PLEKHA5: variants seen among roughly 807,000 people sequenced by gnomAD.
PLEKHA5 encodes the protein pleckstrin homology domain containing A5.
PLEKHA5 carries 55 observed loss-of-function variants against 181.9 expected under a neutral mutation model. The ratio of observed to expected loss-of-function variants is 0.30; its 90% CI spans 0.24 to 0.38. The LOEUF (loss-of-function observed/expected upper bound fraction) is 0.38, where lower values mean the gene tolerates loss of function less well. Ranked by LOEUF, PLEKHA5 falls within the 10% of genes least tolerant of loss-of-function variation. The probability of loss-of-function intolerance (pLI) is 1.00; values close to 1 mark genes in which losing one functional copy is unlikely to be tolerated. For synonymous variants in PLEKHA5, 535 were observed against 529.4 expected, an observed-to-expected ratio of 1.01 and a Z score of -0.15; for missense variants, 1,432 against 1,549.5, an observed-to-expected ratio of 0.92 and a Z score of 1.27.
intron 15 of PLEKHA5, among the ~76,000 whole-genome samples, chr12:19,303,202 G>C (rs2082111956): frequency 6.6e-6 from 1 of 151,928 alleles, no homozygotes. Context: ...ACCGCATCCA[G>C]CCTCTAGATT....
intron 4 of PLEKHA5, 96 bp downstream of exon 4, chr12:19,254,119 G>A: frequency 1.3e-6 from 1 of 745,742 alleles, no homozygotes; most frequent in Non-Finnish European, 2.3e-6. Flanking sequence ...TTCTTATCTG[G>A]ACATTTGTAG....
intron 29 of PLEKHA5, among the ~76,000 whole-genome samples, chr12:19,363,466 C>T (rs929512831): frequency 7.3e-5 from 11 of 150,752 alleles, no homozygotes; most frequent in African/African-American, 2.4e-4. Context: ...CGTGCCTGGC[C>T]ATTTTTAGCT....
intron 15 of PLEKHA5, among the ~76,000 whole-genome samples, chr12:19,302,092 A>G (rs2152920320): frequency 6.6e-6 from 1 of 152,340 alleles, no homozygotes; most frequent in Admixed American, 6.5e-5. Context: ...TTCTTGAGAA[A>G]ATGGAGTATT....
intron 21 of PLEKHA5, among the ~76,000 whole-genome samples, chr12:19,338,907 A>G (rs575197050): frequency 2.5e-3 from 375 of 152,102 alleles, no homozygotes; most frequent in African/African-American, 8.6e-3. Flanking sequence ...ATAAGAAATC[A>G]GCTACAAAAA....
chr12:19,168,730 TAATG>T lies in PLEKHA5; in HGVS notation c.227+36281_227+36284del, dbSNP rs141333764. 8.1e-3 allele frequency among the ~76,000 whole-genome samples: 1,226 copies of T among 152,274 alleles called. 13 individuals carry two copies. The highest frequency in any genetic ancestry group is 0.028 in the African/African-American group (1,158 of 41,550). On this transcript the variant is annotated intron_variant, in intron 3 of 31. Coordinates refer to ENST00000429027, the MANE Select transcript of PLEKHA5 (RefSeq NM_001256470.2). ...AGGGCTCTTCAAATGAGTGTAATAA[TAATG>T]GATAATACTGAATTATAAGATTCCT...
rs866096566 is a variant in PLEKHA5 at position 19,140,854 on chromosome 12, T to C, written c.227+8404T>C. On this transcript the variant is annotated intron_variant, in intron 3 of 31. Transcript: ENST00000429027. ...CCTAGGCTGGAGTACAGTGACTCAG[T>C]CTCGGTTCACTGCAACCTCTGCCTC... 3.3e-5 allele frequency among the ~76,000 whole-genome samples: 5 copies of C among 152,302 alleles called. No individual in the cohort carries two copies. In the South Asian group the frequency reaches 8.3e-4, roughly 25 times the overall value.
chr12:19,194,675 A>G (rs1477874859), intron 3 of PLEKHA5, among the ~76,000 whole-genome samples: 1 of 152,190 alleles, frequency 6.6e-6, no homozygotes, highest in East Asian at 1.9e-4. Context: ...TACAAGTTTC[A>G]TTATACAGAC....
rs144202544 is a variant in PLEKHA5 at position 19,312,042 on chromosome 12, A to C, written c.2038-2772A>C. Among the ~76,000 whole-genome samples the C allele has an allele frequency of 5.9e-5, 9 of 152,314 alleles. No homozygotes were observed. The East Asian group carries it at 1.7e-3, about 29-fold the overall frequency. On this transcript the variant is annotated intron_variant, in intron 15 of 31. Transcript: ENST00000429027. ...GTGAAAACCACATTCATCCACTTAC[A>C]TGTTTCCATCAGAGCTCTTGGGTAA...
At chr12:19,200,458 GA>G in intron 3 of PLEKHA5, 1 of 1,424,172 alleles carries the variant, frequency 7.0e-7, no homozygotes, top group Non-Finnish European at 9.2e-7. Context: ...ATTCTAAACT[GA>G]TTGTCTTCGT....
At chr12:19,183,830 C>T (rs1254620200) in intron 3 of PLEKHA5, among the ~76,000 whole-genome samples, 2 of 152,198 alleles carry the variant, frequency 1.3e-5, no homozygotes, top group Non-Finnish European at 2.9e-5. Context: ...TCTCCTGCCT[C>T]AGCCTCCCGA....
At chr12:19,287,619 T>C (rs1464707687) in intron 13 of PLEKHA5, 63 bp downstream of exon 13, 3 of 896,288 alleles carry the variant, frequency 3.3e-6, no homozygotes, top group Non-Finnish European at 5.4e-6. Flanking sequence ...AAGGTACATA[T>C]CTAACATAAT....
chr12:19,340,831 C>A (rs1386103917), intron 21 of PLEKHA5, among the ~76,000 whole-genome samples: 13 of 149,972 alleles, frequency 8.7e-5, no homozygotes, highest in Admixed American at 3.3e-4. Flanking sequence ...GCCGCAGGGT[C>A]CTCTGCCTAG....
At chr12:19,142,348 A>G (rs1310615503) in intron 3 of PLEKHA5, among the ~76,000 whole-genome samples, 1 of 152,196 alleles carries the variant, frequency 6.6e-6, no homozygotes. Flanking sequence ...CAGCCTGGGC[A>G]ACTGAGCGAG....
intron 3 of PLEKHA5, among the ~76,000 whole-genome samples, chr12:19,213,120 A>T (rs562045359): frequency 6.6e-6 from 1 of 152,284 alleles, no homozygotes; most frequent in South Asian, 2.1e-4. Context: ...AAAGAAGGTG[A>T]CTGATCCCTT....
At chr12:19,260,789 GGCAGAGGTTGCAGTGA>G (rs1477023862) in intron 6 of PLEKHA5, among the ~76,000 whole-genome samples, 144 bp from the exon 7 acceptor site, 3 of 152,102 alleles carry the variant, frequency 2.0e-5, no homozygotes, top group Non-Finnish European at 4.4e-5. Context: ...GAACCCAGGA[GGCAGAGGTTGCAGTGA>G]GCAGAGGTTG....
chr12:19,184,253 G>C (rs989395743), intron 3 of PLEKHA5, among the ~76,000 whole-genome samples: 1 of 152,152 alleles, frequency 6.6e-6, no homozygotes, highest in African/African-American at 2.4e-5. Flanking sequence ...TTTGGTAGCA[G>C]TCTTGTTGCC....
chr12:19,359,095 T>C (rs1487377435), intron 27 of PLEKHA5, among the ~76,000 whole-genome samples: 2 of 152,210 alleles, frequency 1.3e-5, no homozygotes, highest in Non-Finnish European at 2.9e-5. Flanking sequence ...CAGCTGAACA[T>C]GCTTTCCTGT....
chr12:19,369,023 G>C (rs1390395170), intron 30 of PLEKHA5, among the ~76,000 whole-genome samples: 1 of 151,664 alleles, frequency 6.6e-6, no homozygotes. Context: ...TTTTTTGTTT[G>C]TTTGTTTTTT....
At chr12:19,161,135 A>G (rs2042868790) in intron 3 of PLEKHA5, among the ~76,000 whole-genome samples, 1 of 152,212 alleles carries the variant, frequency 6.6e-6, no homozygotes, top group Admixed American at 6.5e-5. Flanking sequence ...AGAAATATTC[A>G]GATCATTCTC....
Sources: allele counts gnomAD v4.1 joint callset (sites outside exome capture counted in the v4.1 genomes callset), GRCh38; gene constraint gnomAD v4.1.1; transcripts MANE v1.5; gene names NCBI Gene and HGNC (gene_info 2026-07-23, HGNC 2026-07-21).